FAT3: variants seen among roughly 807,000 people sequenced by gnomAD.
FAT3 encodes FAT atypical cadherin 3, also known as protocadherin Fat 3.
A neutral mutation model predicts 310.2 loss-of-function variants in FAT3; 95 were observed. That is an observed-to-expected ratio of 0.31 (90% CI 0.26 to 0.36). FAT3 has a LOEUF of 0.36. Among genes scored for constraint, FAT3 ranks in the 10% least tolerant of loss-of-function variants. The probability of loss-of-function intolerance (pLI) is 1.00; values close to 1 mark genes in which losing one functional copy is unlikely to be tolerated. For synonymous variants in FAT3, 2,314 were observed against 2,192.9 expected (o/e 1.06, Z -1.54); for missense variants, 5,408 against 5,715.6 (o/e 0.95, Z 1.74).
rs375998105 is a variant in FAT3 at position 92,806,508 on chromosome 11, A to G, written c.9240A>G (p.Pro3080=). The change falls in exon 12 of 28, where the codon CCA becomes CCG. Residue 3080 remains proline (P), a synonymous_variant. Coordinates refer to ENST00000525166, the MANE Select transcript of FAT3 (RefSeq NM_001367949.2). Reference sequence around the variant, plus strand: ...GAAACAGTGAATTTTTTCTAGATCCAGAAAGTGGTAAGCTAAAATTTATTA... The same window carrying G: ...GAAACAGTGAATTTTTTCTAGATCCGGAAAGTGGTAAGCTAAAATTTATTA... ...GSGNSEFFLD[P]ESGELKTLAL... The G allele has an allele frequency of 5.2e-6, 8 of 1,542,402 alleles. No homozygotes were observed. Among genetic ancestry groups the G allele is most frequent in the Non-Finnish European group, 7.0e-6 (8 of 1,141,872 alleles).
At chr11:92,273,815 C>G (rs1202065791) in intron 1 of FAT3, among the ~76,000 whole-genome samples, 1 of 152,102 alleles carries the variant, frequency 6.6e-6, no homozygotes, top group Non-Finnish European at 1.5e-5. Context: ...TCCTTATCTC[C>G]TCATTTGCTT....
intron 9 of FAT3, among the ~76,000 whole-genome samples, chr11:92,796,862 A>G (rs1177380314): frequency 2.0e-5 from 3 of 152,188 alleles, no homozygotes; most frequent in South Asian, 2.1e-4. Context: ...TCGAACCACA[A>G]CATGTTTCTG....
intron 3 of FAT3, among the ~76,000 whole-genome samples, chr11:92,570,442 A>G: frequency 6.6e-6 from 1 of 152,184 alleles, no homozygotes; most frequent in East Asian, 1.9e-4. Context: ...ATGTTCATGA[A>G]GTTTTGATTA....
Position 92,646,733 on chromosome 11 carries a change from G to A in FAT3, c.3608-50651G>A, listed in dbSNP as rs1416057351. 2.6e-5 allele frequency among the ~76,000 whole-genome samples: 4 copies of A among 152,172 alleles called. 1 individual carries two copies. The South Asian group carries it at 8.3e-4, about 32-fold the overall frequency. On this transcript the variant is annotated intron_variant, in intron 3 of 27. Transcript: ENST00000525166. Reference sequence around the variant, plus strand: ...AGGTTCAAATCATGAAGGTACTGGAGAAGAGTATTCCCAAAAAAGGAACAT... The same window carrying A: ...AGGTTCAAATCATGAAGGTACTGGAAAAGAGTATTCCCAAAAAAGGAACAT...
At chr11:92,673,403 G>C (rs1381726193) in intron 3 of FAT3, among the ~76,000 whole-genome samples, 1 of 152,174 alleles carries the variant, frequency 6.6e-6, no homozygotes, top group Non-Finnish European at 1.5e-5. Context: ...CATTGTATTA[G>C]ATAGTGAGAA....
At chr11:92,411,047 TAA>T (rs1491323907) in intron 2 of FAT3, among the ~76,000 whole-genome samples, 2 of 144,674 alleles carry the variant, frequency 1.4e-5, no homozygotes, top group East Asian at 2.0e-4. Flanking sequence ...AAAATGTATA[TAA>T]TATATATATA....
intron 3 of FAT3, among the ~76,000 whole-genome samples, chr11:92,535,732 GTC>G (rs1954235116): frequency 1.3e-5 from 2 of 152,114 alleles, no homozygotes. Flanking sequence ...AGACTTCTAA[GTC>G]TCTCATTGTT....
chr11:92,624,791 C>G (rs1941248078), intron 3 of FAT3, among the ~76,000 whole-genome samples: 1 of 152,146 alleles, frequency 6.6e-6, no homozygotes. Context: ...AATTTGTTGT[C>G]TTACAGTTCT....
At chr11:92,519,226 C>A (rs1953600701) in intron 2 of FAT3, among the ~76,000 whole-genome samples, 1 of 152,040 alleles carries the variant, frequency 6.6e-6, no homozygotes, top group Non-Finnish European at 1.5e-5. Flanking sequence ...AATGGAGAGT[C>A]CAGAAATAGA....
intron 6 of FAT3, among the ~76,000 whole-genome samples, chr11:92,765,846 T>C (rs907171300): frequency 6.6e-6 from 1 of 152,086 alleles, no homozygotes; most frequent in Non-Finnish European, 1.5e-5. Flanking sequence ...GGCTTTTTGT[T>C]GTTTTGTTTT....
At chr11:92,454,523 C>T (rs1282254046) in intron 2 of FAT3, among the ~76,000 whole-genome samples, 1 of 152,236 alleles carries the variant, frequency 6.6e-6, no homozygotes, top group African/African-American at 2.4e-5. Context: ...GTCAAGTGTG[C>T]CCCCATGAGA....
rs774114021 is a variant in FAT3, at chr11:92,834,841, A to G, written c.9872-29A>G. 9 of 1,537,816 alleles carry G rather than the reference A, an allele frequency of 5.9e-6. No homozygotes were observed. In the South Asian group the frequency reaches 1.1e-4, roughly 19 times the overall value. On this transcript the variant is annotated intron_variant, in intron 14 of 27. Coordinates refer to ENST00000525166, the MANE Select transcript of FAT3 (RefSeq NM_001367949.2). ...GCTGACCAGTGTTTTTTCCTAATGA[A>G]ATATAAAGCTCCCCATTTTTCTTCA...
At chr11:92,292,877 C>T (rs1172028445) in intron 1 of FAT3, among the ~76,000 whole-genome samples, 1 of 151,956 alleles carries the variant, frequency 6.6e-6, no homozygotes, top group Non-Finnish European at 1.5e-5. Context: ...GTTGGATTTG[C>T]TGGTTCTCGC....
At chr11:92,325,133 G>A (rs1195433120) in intron 1 of FAT3, among the ~76,000 whole-genome samples, 1 of 152,224 alleles carries the variant, frequency 6.6e-6, no homozygotes, top group Non-Finnish European at 1.5e-5. Context: ...CATACAGCAT[G>A]TGAAGTCATT....
chr11:92,490,548 TTTTG>T (rs1159760596), intron 2 of FAT3, among the ~76,000 whole-genome samples: 3 of 152,080 alleles, frequency 2.0e-5, no homozygotes, highest in Non-Finnish European at 2.9e-5. Flanking sequence ...TGTTTGTTTG[TTTTG>T]TTTGTCTGCT....
intron 9 of FAT3, among the ~76,000 whole-genome samples, chr11:92,797,543 T>C (rs1438198523): frequency 1.3e-5 from 2 of 152,214 alleles, no homozygotes; most frequent in African/African-American, 4.8e-5. Flanking sequence ...CTTCGGGCTC[T>C]CTTATTTCCC....
At chr11:92,293,545 TATATATAA>T (rs796686156) in intron 1 of FAT3, among the ~76,000 whole-genome samples, 3,206 of 23,576 alleles carry the variant, frequency 0.14, 99 homozygotes, top group Non-Finnish European at 0.14. Flanking sequence ...TATATATATA[TATATATAA>T]ATAAAATATA....
At chr11:92,825,167 A>T (rs1948071293) in intron 13 of FAT3, among the ~76,000 whole-genome samples, 1 of 152,210 alleles carries the variant, frequency 6.6e-6, no homozygotes, top group Non-Finnish European at 1.5e-5. Context: ...ATGGACATAT[A>T]TGTGTACTGT....
intron 1 of FAT3, among the ~76,000 whole-genome samples, chr11:92,276,031 A>G (rs1196227773): frequency 6.6e-6 from 1 of 152,108 alleles, no homozygotes; most frequent in African/African-American, 2.4e-5. Context: ...AGTACTGAAT[A>G]TGAAAAAGAG....
Sources: allele counts gnomAD v4.1 joint callset (sites outside exome capture counted in the v4.1 genomes callset), GRCh38; gene constraint gnomAD v4.1.1; transcripts MANE v1.5; gene names NCBI Gene and HGNC (gene_info 2026-07-23, HGNC 2026-07-21).